Variants in HSP90AA1 observed in about 807,000 individuals in gnomAD.
HSP90AA1 encodes the protein heat shock protein HSP 90-alpha.
A neutral mutation model predicts 73.3 loss-of-function variants in HSP90AA1; 18 were observed. That is an observed-to-expected ratio of 0.25 (90% CI 0.17 to 0.36). The LOEUF (loss-of-function observed/expected upper bound fraction) is 0.36, where lower values mean the gene tolerates loss of function less well. Among genes scored for constraint, HSP90AA1 ranks in the 10% least tolerant of loss-of-function variants. HSP90AA1 has a pLI of 1.00. For missense variants in HSP90AA1, 704 were observed against 874.2 expected, an observed-to-expected ratio of 0.81 and a Z score of 2.45; for synonymous variants, 477 against 296.9, an observed-to-expected ratio of 1.61 and a Z score of -6.24.
intron 2 of HSP90AA1, 33 bp from the exon 3 acceptor site, chr14:102,086,157 G>C: frequency 1.9e-6 from 3 of 1,614,030 alleles, no homozygotes; most frequent in Non-Finnish European, 2.5e-6. Context: ...TAAGCATACA[G>C]CACCCCCAAG....
chr14:102,096,874 A>C (rs1257183908), intron 2 of HSP90AA1, among the ~76,000 whole-genome samples: 1 of 152,224 alleles, frequency 6.6e-6, no homozygotes, highest in Non-Finnish European at 1.5e-5. Context: ...CAGGAAAGTG[A>C]GAATTATGTG....
intron 1 of HSP90AA1, among the ~76,000 whole-genome samples, chr14:102,106,537 A>ATTTTTTTTTTTTTTTTTTTTTTTT (rs10562409): frequency 1.3e-5 from 1 of 79,814 alleles, no homozygotes; most frequent in African/African-American, 4.8e-5. Flanking sequence ...TGTTGAGCTA[A>ATTTTTTTTTTTTTTTTTTTTTTTT]TTTTTTTTTT....
intron 7 of HSP90AA1, 39 bp from the exon 8 acceptor site, chr14:102,083,732 T>TAAAAA: frequency 2.7e-5 from 38 of 1,400,258 alleles, no homozygotes; most frequent in South Asian, 6.3e-5. Context: ...CTTTCTGAAT[T>TAAAAA]AAAAAAAAAA....
chr14:102,095,223 A>G (rs1232110904), intron 2 of HSP90AA1, among the ~76,000 whole-genome samples: 1 of 152,194 alleles, frequency 6.6e-6, no homozygotes, highest in Admixed American at 6.5e-5. Flanking sequence ...GGTTCCCAGG[A>G]TGGCAGTCTC....
At chr14:102,122,865 A>G (rs1595678068) in intron 1 of HSP90AA1, among the ~76,000 whole-genome samples, 1 of 148,896 alleles carries the variant, frequency 6.7e-6, no homozygotes, top group Admixed American at 6.7e-5. Flanking sequence ...ACGGGGTTTC[A>G]CCACGTTGGC....
chr14:102,088,052 A>C (rs979118149), upstream of HSP90AA1, among the ~76,000 whole-genome samples: 1 of 141,238 alleles, frequency 7.1e-6, no homozygotes, highest in Non-Finnish European at 1.5e-5. Flanking sequence ...GGCTCAGGTG[A>C]TCCTCCCGCC....
At position 102,128,891 on chromosome 14, in the gene HSP90AA1, A is replaced by G. The variant is rs143549780; in HGVS notation, c.155+10359T>C. On this transcript the variant is annotated intron_variant, in intron 1 of 11. Coordinates refer to the HSP90AA1 transcript ENST00000334701. ...TTCAGATAGAGATAAGAAGGGAGGT[A>G]TAAGTTGGAAGGTAAGAAATGAGAA... 1.5e-3 allele frequency among the ~76,000 whole-genome samples: 226 copies of G among 152,272 alleles called. 1 individual carries two copies. The highest frequency in any genetic ancestry group is 0.012 in the South Asian group (56 of 4,828).
chr14:102,100,623 C>T (rs2049481082), intron 2 of HSP90AA1, among the ~76,000 whole-genome samples: 1 of 152,172 alleles, frequency 6.6e-6, no homozygotes. Flanking sequence ...CAGGGTTTCT[C>T]CATGTTGGTC....
chr14:102,134,277 A>G (rs1595683456), intron 1 of HSP90AA1, among the ~76,000 whole-genome samples: 1 of 147,290 alleles, frequency 6.8e-6, no homozygotes, highest in Non-Finnish European at 1.5e-5. Flanking sequence ...GAGAGCCGAC[A>G]TGGAGCCACT....
intron 1 of HSP90AA1, among the ~76,000 whole-genome samples, chr14:102,111,774 C>G (rs1173248359): frequency 6.6e-6 from 1 of 152,178 alleles, no homozygotes; most frequent in Non-Finnish European, 1.5e-5. Context: ...TAGTACATGC[C>G]TGGCACTGCC....
chr14:102,090,955 C>T (rs2049349349), upstream of HSP90AA1, among the ~76,000 whole-genome samples: 1 of 152,224 alleles, frequency 6.6e-6, no homozygotes, highest in Admixed American at 6.5e-5. Context: ...TCAGCCACTG[C>T]CTGTGTGACC....
At position 102,084,816 on chromosome 14, in the gene HSP90AA1, T is replaced by C. The variant is rs749809177; in HGVS notation, c.846A>G (p.Glu282=). The change falls in exon 5 of 11, where the codon GAA becomes GAG. Residue 282 remains glutamate (E), a synonymous_variant. Coordinates refer to ENST00000216281, the MANE Select transcript of HSP90AA1 (RefSeq NM_005348.4). ...TGAGCTCTTCTTGATCGATGTACTT[T>C]TCCTTAATCTTCTTCTTCTTCTTCT... ...GDKKKKKKIK[E]KYIDQEELNK... 9 of 1,611,840 alleles carry C rather than the reference T, an allele frequency of 5.6e-6. No homozygotes were observed. The highest frequency in any genetic ancestry group is 7.6e-6 in the Non-Finnish European group (9 of 1,177,926).
Position 102,081,623 on chromosome 14 carries a change from T to A in HSP90AA1, c.*89A>T, listed in dbSNP as rs1020266388. Reference sequence around the variant, plus strand: ...GTCATGCCATACAGACTTTTTAATATTAACAAAAATAAAGAAAAACATCCT... The same window carrying A: ...GTCATGCCATACAGACTTTTTAATAATAACAAAAATAAAGAAAAACATCCT... On this transcript the variant is annotated 3_prime_UTR_variant, in exon 11 of 11. Coordinates refer to ENST00000216281, the MANE Select transcript of HSP90AA1 (RefSeq NM_005348.4). 3 of 771,882 alleles carry A rather than the reference T, an allele frequency of 3.9e-6. No homozygotes were observed. The African/African-American group carries it at 5.2e-5, about 13-fold the overall frequency. The allele number at this position is 771,882 out of a possible 1,614,324, so 47.8% of individuals were successfully genotyped here. A position where few individuals can be genotyped will look rare whatever the true frequency, so the allele number is the denominator to read the frequency against.
Position 102,083,127 on chromosome 14 carries a change from A to G in HSP90AA1, c.1662T>C (p.Asp554=), listed in dbSNP as rs757201341. 1 of 1,613,550 alleles carries G rather than the reference A, an allele frequency of 6.2e-7. No homozygotes were observed. The highest frequency in any genetic ancestry group is 8.5e-7 in the Non-Finnish European group (1 of 1,179,826). Residue 554 remains aspartate, a synonymous_variant, in exon 9 of 11, where the codon GAT becomes GAC. Transcript: ENST00000216281. ...VTKEGLELPE[D]EEEKKKQEEK... ...CTTCCTGCTTCTTTTTCTCTTCTTC[A>G]TCCTCTGGAAGTTCCAGGCCTTCTT...
At chr14:102,104,539 G>A (rs1180957548) in intron 1 of HSP90AA1, among the ~76,000 whole-genome samples, 4 of 152,066 alleles carry the variant, frequency 2.6e-5, no homozygotes, top group Non-Finnish European at 5.9e-5. Flanking sequence ...ATGCATGTAT[G>A]TAATGTGCAA....
chr14:102,126,892 A>G (rs2049846324), intron 1 of HSP90AA1, among the ~76,000 whole-genome samples: 1 of 152,164 alleles, frequency 6.6e-6, no homozygotes, highest in South Asian at 2.1e-4. Context: ...CCTAAAATGA[A>G]TTTTTAAATT....
At chr14:102,110,036 C>A (rs186892801) in intron 1 of HSP90AA1, among the ~76,000 whole-genome samples, 12 of 152,116 alleles carry the variant, frequency 7.9e-5, no homozygotes, top group Non-Finnish European at 1.5e-4. Flanking sequence ...TGGGTTCAAG[C>A]GATTCTTCTG....
At chr14:102,113,754 A>T (rs895031412) in intron 1 of HSP90AA1, among the ~76,000 whole-genome samples, 2 of 152,038 alleles carry the variant, frequency 1.3e-5, no homozygotes, top group African/African-American at 4.8e-5. Flanking sequence ...TCTGTCGCCC[A>T]GGCTGGAGTA....
At chr14:102,111,368 C>T (rs1165193202) in intron 1 of HSP90AA1, among the ~76,000 whole-genome samples, 1 of 152,254 alleles carries the variant, frequency 6.6e-6, no homozygotes, top group Non-Finnish European at 1.5e-5. Context: ...CAAGGAACAG[C>T]TCATTGCTTC....
Sources: allele counts gnomAD v4.1 joint callset (sites outside exome capture counted in the v4.1 genomes callset), GRCh38; gene constraint gnomAD v4.1.1; transcripts MANE v1.5; gene names NCBI Gene and HGNC (gene_info 2026-07-23, HGNC 2026-07-21).